Variants in ZNF562 observed in about 807,000 individuals in gnomAD.
ZNF562 encodes zinc finger protein 562.
ZNF562 carries 13 observed loss-of-function variants against 17.5 expected under a neutral mutation model. The ratio of observed to expected loss-of-function variants is 0.74; its 90% CI spans 0.48 to 1.18. The LOEUF is 1.18. Ranked by LOEUF, ZNF562 falls within the 50% of genes most tolerant of loss-of-function variation. The probability of loss-of-function intolerance (pLI) is 0.00; values close to 1 mark genes in which losing one functional copy is unlikely to be tolerated. For synonymous variants in ZNF562, 163 were observed against 165.4 expected, an observed-to-expected ratio of 0.99 and a Z score of 0.11; for missense variants, 481 against 498.5, an observed-to-expected ratio of 0.96 and a Z score of 0.33.
chr19:9,673,723 C>G (rs550442883), intron 1 of ZNF562, among the ~76,000 whole-genome samples: 39 of 152,272 alleles, frequency 2.6e-4, no homozygotes, highest in African/African-American at 9.4e-4. Flanking sequence ...AACGGGCACA[C>G]CCTAAACAAC....
At chr19:9,673,968 C>A (rs1311999481) in intron 1 of ZNF562, among the ~76,000 whole-genome samples, 1 of 152,110 alleles carries the variant, frequency 6.6e-6, no homozygotes, top group African/African-American at 2.4e-5. Flanking sequence ...TCAAATATAA[C>A]ATTTTCTTTT....
intron 2 of ZNF562, 101 bp downstream of exon 2, chr19:9,660,619 A>G: frequency 8.0e-7 from 1 of 1,256,060 alleles, no homozygotes; most frequent in Non-Finnish European, 1.1e-6. Context: ...AGAAAAAAAA[A>G]AAAAGCAGCA....
chr19:9,669,717 AGCGCG>A (rs2044083733), intron 1 of ZNF562, among the ~76,000 whole-genome samples: 3 of 98,942 alleles, frequency 3.0e-5, no homozygotes, highest in Admixed American at 1.2e-4. Context: ...CACGCGCGCG[AGCGCG>A]CGCGCGCGCG....
chr19:9,667,889 T>G (rs551817373), intron 1 of ZNF562, among the ~76,000 whole-genome samples: 77 of 152,106 alleles, frequency 5.1e-4, no homozygotes, highest in Non-Finnish European at 1.0e-3. Flanking sequence ...GCCACCATGC[T>G]CAGCTGACAT....
chr19:9,660,244 C>T (rs966819490), intron 2 of ZNF562, among the ~76,000 whole-genome samples: 1 of 151,806 alleles, frequency 6.6e-6, no homozygotes, highest in African/African-American at 2.4e-5. Flanking sequence ...GCCTGGGTGA[C>T]AGAGCAAGAT....
chr19:9,662,639 G>C (rs998401621), intron 1 of ZNF562, among the ~76,000 whole-genome samples: 1 of 151,950 alleles, frequency 6.6e-6, no homozygotes, highest in Admixed American at 6.6e-5. Flanking sequence ...CCAGCACTTT[G>C]GGAGTACCAA....
At chr19:9,657,551 CT>C (rs112714600) in intron 4 of ZNF562, among the ~76,000 whole-genome samples, 681 of 142,164 alleles carry the variant, frequency 4.8e-3, no homozygotes, top group African/African-American at 0.011. Context: ...CTTTAAAAAT[CT>C]TTTTTTTTTT....
chr19:9,653,782 C>A lies in ZNF562; in HGVS notation c.448G>T (p.Gly150Trp), dbSNP rs1309142524. Residue 150 changes from glycine (G) to tryptophan (W), a missense_variant, in exon 6 of 6, where the codon GGG (glycine) becomes TGG (tryptophan). Gly to Trp is a radical substitution (Grantham distance 184, BLOSUM62 -2). Coordinates refer to ENST00000453372, the MANE Select transcript of ZNF562 (RefSeq NM_001130031.2). Reference sequence around the variant, plus strand: ...TAACAATTACCCTCAAAAGTGTTCCCTCCATTCTGAGCTCTCATGTGTGTC... The same window carrying A: ...TAACAATTACCCTCAAAAGTGTTCCATCCATTCTGAGCTCTCATGTGTGTC... ...LKTHMRAQNG[G>W]NTFEGNCYGK... 1 of 1,614,050 alleles carries A rather than the reference C, an allele frequency of 6.2e-7. No individual in the cohort carries two copies. The highest frequency in any genetic ancestry group is 1.7e-5 in the Admixed American group (1 of 60,020).
At position 9,655,717 on chromosome 19, in the gene ZNF562, C is replaced by CTTTTTTTTTTTTTTTT. The variant is rs58199071; in HGVS notation, c.348+814_348+829dup. Among the ~76,000 whole-genome samples, 36 of 48,690 alleles carry CTTTTTTTTTTTTTTTT rather than the reference C, an allele frequency of 7.4e-4. 1 individual carries two copies. Among genetic ancestry groups the CTTTTTTTTTTTTTTTT allele is most frequent in the African/African-American group, 1.2e-3 (15 of 12,312 alleles). The allele number at this position is 48,690 out of a possible 152,430, so 31.9% of individuals were successfully genotyped here. A position where few individuals can be genotyped will look rare whatever the true frequency, so the allele number is the denominator to read the frequency against. On this transcript the variant is annotated intron_variant, in intron 5 of 5. Coordinates refer to ENST00000453372, the MANE Select transcript of ZNF562 (RefSeq NM_001130031.2). ...TTACAGGATTCACTTTCTTTTCTTT[C>CTTTTTTTTTTTTTTTT]TTTTTTTTTTTTTTTTTTTTTTTTT...
rs1398914677 is a variant in ZNF562 at position 9,641,874 on chromosome 19, G to T, written c.*11075C>A. The T allele has an allele frequency of 6.6e-6, 1 of 152,228 alleles. No individual in the cohort carries two copies. Among genetic ancestry groups the T allele is most frequent in the Admixed American group, 6.5e-5 (1 of 15,280 alleles). The allele number at this position is 152,228 out of a possible 1,614,324, so 9.4% of individuals were successfully genotyped here. A position where few individuals can be genotyped will look rare whatever the true frequency, so the allele number is the denominator to read the frequency against. On this transcript the variant is annotated 3_prime_UTR_variant, in exon 6 of 6. Coordinates refer to ENST00000453372, the MANE Select transcript of ZNF562 (RefSeq NM_001130031.2). ...GCTGTCCAACAAAACAGTCAGCAAA[G>T]GGTGGTGGGATTATCATTAGTTCTC...
intron 5 of ZNF562, among the ~76,000 whole-genome samples, chr19:9,654,427 A>T (rs1204808287): frequency 6.6e-6 from 1 of 152,116 alleles, no homozygotes; most frequent in African/African-American, 2.4e-5. Context: ...TGTAGCTAGG[A>T]CTAGAGGCAT....
rs763608068 is a variant in ZNF562, at chr19:9,656,533, C to G, written c.348+14G>C. On this transcript the variant is annotated intron_variant, in intron 5 of 5. Coordinates refer to ENST00000453372, the MANE Select transcript of ZNF562 (RefSeq NM_001130031.2). Reference sequence around the variant, plus strand: ...AAACAGAAGAAAAAAATAAGTATCCCTCATGAATCTTACCATTTGTATCCC... The same window carrying G: ...AAACAGAAGAAAAAAATAAGTATCCGTCATGAATCTTACCATTTGTATCCC... 1 of 1,611,846 alleles carries G rather than the reference C, an allele frequency of 6.2e-7. No individual in the cohort carries two copies. The highest frequency in any genetic ancestry group is 2.2e-5 in the East Asian group (1 of 44,814).
chr19:9,673,316 C>A (rs1042962313), intron 1 of ZNF562, among the ~76,000 whole-genome samples: 1 of 152,188 alleles, frequency 6.6e-6, no homozygotes, highest in Admixed American at 6.5e-5. Flanking sequence ...GCCATCACTC[C>A]ATCCACGAGA....
At chr19:9,653,952 A>G (rs1329318836) in intron 5 of ZNF562, 71 bp from the exon 6 acceptor site, 3 of 1,409,460 alleles carry the variant, frequency 2.1e-6, no homozygotes, top group Non-Finnish European at 2.8e-6. Flanking sequence ...GAACACAGAA[A>G]CATTATTTTG....
intron 5 of ZNF562, 48 bp downstream of exon 5, chr19:9,656,499 C>T (rs371291282): frequency 3.8e-5 from 61 of 1,594,714 alleles, no homozygotes; most frequent in African/African-American, 1.5e-4. Context: ...AGCAAGACTC[C>T]GTCTCAAAAA....
chr19:9,647,071 C>A lies in ZNF562; in HGVS notation c.*5878G>T, dbSNP rs1381878974. The A allele has an allele frequency of 6.6e-6, 1 of 151,324 alleles. No individual in the cohort carries two copies. The highest frequency in any genetic ancestry group is 1.5e-5 in the Non-Finnish European group (1 of 68,026). 9.4% of individuals were successfully genotyped at this position (151,324 alleles called of 1,614,324 possible). On this transcript the variant is annotated 3_prime_UTR_variant, in exon 6 of 6. Transcript: ENST00000453372. ...GTGATTAAAGCCGTGAAGCACCGTGCCCAACCTAGTTGTCTTTTTTTTTTT... is the reference window on the plus strand; with the variant it reads ...GTGATTAAAGCCGTGAAGCACCGTGACCAACCTAGTTGTCTTTTTTTTTTT...
At chr19:9,669,704 ATG>A (rs1491169958) in intron 1 of ZNF562, among the ~76,000 whole-genome samples, 2 of 106,726 alleles carry the variant, frequency 1.9e-5, no homozygotes, top group African/African-American at 8.8e-5. Context: ...ACCTGTCTGC[ATG>A]CACGCGCGCG....
chr19:9,672,749 A>C (rs2044241866), intron 1 of ZNF562, among the ~76,000 whole-genome samples: 1 of 151,134 alleles, frequency 6.6e-6, no homozygotes, highest in Non-Finnish European at 1.5e-5. Flanking sequence ...ACTTCAGATG[A>C]AGAGAATAGT....
rs2074805997 is a variant in ZNF562 at position 9,646,301 on chromosome 19, C to T, written c.*6648G>A. The T allele has an allele frequency of 6.6e-6, 1 of 152,078 alleles. No homozygotes were observed. Among genetic ancestry groups the T allele is most frequent in the African/African-American group, 2.4e-5 (1 of 41,382 alleles). 9.4% of individuals were successfully genotyped at this position (152,078 alleles called of 1,614,324 possible). ...GGTCAGGCTGGTCTCGAACTCCCGACCTCAGGTGATCACCTGCCTTGGCCT... is the reference window on the plus strand; with the variant it reads ...GGTCAGGCTGGTCTCGAACTCCCGATCTCAGGTGATCACCTGCCTTGGCCT... On this transcript the variant is annotated 3_prime_UTR_variant, in exon 6 of 6. Coordinates refer to ENST00000453372, the MANE Select transcript of ZNF562 (RefSeq NM_001130031.2).
Sources: allele counts gnomAD v4.1 joint callset (sites outside exome capture counted in the v4.1 genomes callset), GRCh38; gene constraint gnomAD v4.1.1; transcripts MANE v1.5; gene names NCBI Gene and HGNC (gene_info 2026-07-23, HGNC 2026-07-21).